Variants in GPR37 observed in about 807,000 individuals in gnomAD.
GPR37 encodes prosaposin receptor GPR37.
In GPR37, 20 loss-of-function variants were observed where a neutral mutation model predicts 43.6. That is an observed-to-expected ratio of 0.46 (90% CI 0.32 to 0.67). The LOEUF is 0.67. Among genes scored for constraint, GPR37 ranks in the 30% least tolerant of loss-of-function variants. The probability of loss-of-function intolerance (pLI) is 0.03; values close to 1 mark genes in which losing one functional copy is unlikely to be tolerated. For missense variants in GPR37, 724 were observed against 797.2 expected (o/e 0.91, Z 1.11); for synonymous variants, 315 against 322.6 (o/e 0.98, Z 0.25).
chr7:124,758,135 TTTC>T lies in GPR37; in HGVS notation c.1023+5816_1023+5818del, dbSNP rs201391351. On this transcript the variant is annotated intron_variant, in intron 1 of 1. Transcript: ENST00000303921. ...TCAATGGAAAAGGAAACTATTTGGA[TTTC>T]TTATTTGAATATTATAAAACTTTTC... 4.0e-3 allele frequency among the ~76,000 whole-genome samples: 603 copies of T among 152,290 alleles called. 6 individuals carry two copies. Among genetic ancestry groups the T allele is most frequent in the African/African-American group, 0.014 (565 of 41,560 alleles).
At position 124,745,231 on chromosome 7, in the gene GPR37, A is replaced by G. The variant is rs1178871966; in HGVS notation, c.*1294T>C. Among the ~76,000 whole-genome samples the G allele has an allele frequency of 6.6e-6, 1 of 152,220 alleles. No homozygotes were observed. The highest frequency in any genetic ancestry group is 1.5e-5 in the Non-Finnish European group (1 of 68,038). On this transcript the variant is annotated 3_prime_UTR_variant, in exon 2 of 2. Transcript: ENST00000303921. ...TCCCAGCAAGAAAACTGGGTTCTCT[A>G]TAACAAGATTTTTCTGAAGACAAAG...
chr7:124,755,857 T>C (rs1274625531), intron 1 of GPR37, among the ~76,000 whole-genome samples: 2 of 152,178 alleles, frequency 1.3e-5, no homozygotes, highest in Admixed American at 1.3e-4. Flanking sequence ...TACCTTGGGG[T>C]TCTGATGAGT....
intron 1 of GPR37, among the ~76,000 whole-genome samples, chr7:124,761,154 C>CAAAAAAAAAAAAAA (rs60967099): frequency 2.6e-5 from 2 of 77,456 alleles, no homozygotes; most frequent in Admixed American, 1.4e-4. Flanking sequence ...GACTCCGTCT[C>CAAAAAAAAAAAAAA]AAAAAAAAAA....
chr7:124,760,177 T>C (rs1396581033), intron 1 of GPR37, among the ~76,000 whole-genome samples: 1 of 152,122 alleles, frequency 6.6e-6, no homozygotes, highest in Non-Finnish European at 1.5e-5. Context: ...GAAGGTATTA[T>C]ACATAGTTAA....
intron 1 of GPR37, among the ~76,000 whole-genome samples, chr7:124,762,076 ACT>A (rs1241075618): frequency 1.3e-5 from 2 of 152,054 alleles, no homozygotes; most frequent in Non-Finnish European, 2.9e-5. Flanking sequence ...AAAACAAAGC[ACT>A]CTTAAGGAGG....
chr7:124,758,318 A>C (rs1363699093), intron 1 of GPR37, among the ~76,000 whole-genome samples: 1 of 152,220 alleles, frequency 6.6e-6, no homozygotes, highest in Non-Finnish European at 1.5e-5. Flanking sequence ...ATGATTACTA[A>C]AAGATTAATG....
chr7:124,748,956 A>T (rs1793704011), intron 1 of GPR37, among the ~76,000 whole-genome samples: 1 of 152,134 alleles, frequency 6.6e-6, no homozygotes, highest in African/African-American at 2.4e-5. Context: ...CAAATGGGGC[A>T]AACAGATACA....
chr7:124,760,024 T>C (rs1793833989), intron 1 of GPR37, among the ~76,000 whole-genome samples: 1 of 151,912 alleles, frequency 6.6e-6, no homozygotes, highest in South Asian at 2.1e-4. Context: ...AAAGAGAAGC[T>C]GGGAGAGAAA....
At chr7:124,757,920 A>G (rs1251739665) in intron 1 of GPR37, among the ~76,000 whole-genome samples, 1 of 152,228 alleles carries the variant, frequency 6.6e-6, no homozygotes, top group African/African-American at 2.4e-5. Flanking sequence ...GATGACACCT[A>G]TGGAAAAGGA....
rs573846068 is a variant in GPR37 at position 124,760,631 on chromosome 7, T to A, written c.1023+3323A>T. ...TCTAGTGGATTAAAAAAAGAAAAAA[T>A]TTTTCAGATGCCAAGGAGCGGAAAG... On this transcript the variant is annotated intron_variant, in intron 1 of 1. Transcript: ENST00000303921. 2.3e-4 allele frequency among the ~76,000 whole-genome samples: 35 copies of A among 151,922 alleles called. No homozygotes were observed. In the Middle Eastern group the frequency reaches 0.01, roughly 45 times the overall value.
intron 1 of GPR37, among the ~76,000 whole-genome samples, chr7:124,761,629 T>C (rs1793852442): frequency 6.6e-6 from 1 of 152,196 alleles, no homozygotes; most frequent in African/African-American, 2.4e-5. Context: ...TCTCAGGGCC[T>C]GTTTTTGCAG....
At chr7:124,757,566 G>C (rs948393558) in intron 1 of GPR37, among the ~76,000 whole-genome samples, 3 of 152,140 alleles carry the variant, frequency 2.0e-5, no homozygotes, top group African/African-American at 7.2e-5. Context: ...AAGATTAATA[G>C]TAAGAATGTA....
At chr7:124,753,474 G>A (rs1793754682) in intron 1 of GPR37, among the ~76,000 whole-genome samples, 1 of 151,900 alleles carries the variant, frequency 6.6e-6, no homozygotes, top group Non-Finnish European at 1.5e-5. Flanking sequence ...TCTTAATAAG[G>A]AGCAAGGTAA....
chr7:124,759,358 C>T (rs898008200), intron 1 of GPR37, among the ~76,000 whole-genome samples: 4 of 152,262 alleles, frequency 2.6e-5, no homozygotes, highest in African/African-American at 7.2e-5. Context: ...TGTGCCACCA[C>T]ACCTGGCCCA....
At chr7:124,757,590 A>G (rs1793805292) in intron 1 of GPR37, among the ~76,000 whole-genome samples, 2 of 152,218 alleles carry the variant, frequency 1.3e-5, no homozygotes, top group Non-Finnish European at 2.9e-5. Context: ...GAAAAGAATT[A>G]GAGGGAGCAC....
intron 1 of GPR37, among the ~76,000 whole-genome samples, chr7:124,763,083 G>A (rs1793868972): frequency 6.6e-6 from 1 of 152,126 alleles, no homozygotes; most frequent in Non-Finnish European, 1.5e-5. Flanking sequence ...ATGAAACAAT[G>A]CAATTTCACT....
chr7:124,745,189 A>G lies in GPR37; in HGVS notation c.*1336T>C, dbSNP rs144925068. ...TATGCCGAGTAGAACAGAAATCAACAAGCAGAAACTACGTTTTCCCAGCAA... is the reference window on the plus strand; with the variant it reads ...TATGCCGAGTAGAACAGAAATCAACGAGCAGAAACTACGTTTTCCCAGCAA... On this transcript the variant is annotated 3_prime_UTR_variant, in exon 2 of 2. Transcript: ENST00000303921. Among the ~76,000 whole-genome samples the G allele has an allele frequency of 5.3e-5, 8 of 152,336 alleles. No homozygotes were observed. The East Asian group carries it at 1.5e-3, about 29-fold the overall frequency.
In GPR37 at chr7:124,764,900, G is replaced by A. The variant is rs1793899254; in HGVS notation, c.77C>T (p.Ser26Phe). The A allele has an allele frequency of 1.2e-6, 2 of 1,602,102 alleles. No homozygotes were observed. Among genetic ancestry groups the A allele is most frequent in the Non-Finnish European group, 1.7e-6 (2 of 1,175,026 alleles). The change falls in exon 1 of 2, where the codon TCT becomes TTT. Residue 26 changes from serine (S) to phenylalanine (F), a missense_variant. Physicochemically the swap from Ser to Phe is radical, Grantham distance 155. This residue lies in a region of GPR37 where 382 missense variants were observed against 355.4 expected (regional missense o/e 1.07). Coordinates refer to ENST00000303921, the MANE Select transcript of GPR37 (RefSeq NM_005302.5). The surrounding 1 kb of genome is among the most constrained non-coding windows in gnomAD (Gnocchi z 5.4). ...LLLLLKVSAS[S>F]ALGVAPASRN... is the part of the protein sequence containing the mutation. ...GGACGCAGGGGCGACCCCGAGGGCA[G>A]AAGAGGCAGACACCTTGAGCAGTAG...
At chr7:124,750,816 T>C (rs980820167) in intron 1 of GPR37, among the ~76,000 whole-genome samples, 8 of 152,128 alleles carry the variant, frequency 5.3e-5, no homozygotes, top group African/African-American at 1.9e-4. Flanking sequence ...AACAATGTTT[T>C]TCCAGGTTCT....
Sources: allele counts gnomAD v4.1 joint callset (sites outside exome capture counted in the v4.1 genomes callset), GRCh38; gene constraint gnomAD v4.1.1; regional missense constraint gnomAD v4.1.1; non-coding constraint Gnocchi (gnomAD v3.1); transcripts MANE v1.5; gene names NCBI Gene and HGNC (gene_info 2026-07-23, HGNC 2026-07-21).